ARHGAP36: variants seen among roughly 807,000 people sequenced by gnomAD.
The protein encoded by ARHGAP36 is Rho GTPase activating protein 36.
A neutral mutation model predicts 32.9 loss-of-function variants in ARHGAP36; 7 were observed. That is an observed-to-expected ratio of 0.21 (90% CI 0.12 to 0.40). The LOEUF is 0.40. ARHGAP36 is among the 10% of genes least tolerant of loss of function. ARHGAP36 has a pLI of 1.00. For missense variants in ARHGAP36, 383 were observed against 442.2 expected, an observed-to-expected ratio of 0.87 and a Z score of 1.20; for synonymous variants, 165 against 168.3, an observed-to-expected ratio of 0.98 and a Z score of 0.15.
intron 1 of ARHGAP36, among the ~76,000 whole-genome samples, chrX:131,072,388 A>G (rs1342989836): frequency 8.9e-6 from 1 of 112,266 alleles, no homozygotes; most frequent in African/African-American, 3.2e-5. Flanking sequence ...TGAGGCAAGG[A>G]GGGGAAAGGA....
In ARHGAP36 at chrX:131,083,192, T is replaced by C. The variant is rs2079814326; in HGVS notation, c.281T>C (p.Leu94Ser). 1 of 1,209,869 alleles carries C rather than the reference T, an allele frequency of 8.3e-7. No homozygotes were observed. Among genetic ancestry groups the C allele is most frequent in the Non-Finnish European group, 1.1e-6 (1 of 894,961 alleles). ...CTGCCTATTGACCGTCCGAACACCT[T>C]GGATAAGTGGTTTCTGATTTTGAGA... ...RALPIDRPNT[L>S]DKWFLILRGQ... The change falls in exon 3 of 12, where the codon TTG (leucine) becomes TCG (serine). Residue 94 changes from leucine to serine, a missense_variant. Physicochemically the swap from Leu to Ser is moderately radical, Grantham distance 145. Transcript: ENST00000276211.
At chrX:131,080,650 A>G (rs149810092) in intron 1 of ARHGAP36, among the ~76,000 whole-genome samples, 1,431 of 112,396 alleles carry the variant, frequency 0.013, 27 homozygotes, top group African/African-American at 0.044. Flanking sequence ...AATAGGTTTT[A>G]CCATTACACT....
Position 131,085,601 on chromosome X carries a change from G to A in ARHGAP36, c.969G>A (p.Gln323=), listed in dbSNP as rs2079830990. Residue 323 remains glutamine, a synonymous_variant, in exon 8 of 12, where the codon CAG becomes CAA. Coordinates refer to ENST00000276211, the MANE Select transcript of ARHGAP36 (RefSeq NM_144967.4). ...SFLLTATLKP[Q]DQLSALQLLV... ...TCCTTCTTCTAGCTTTAAAGCCCCA[G>A]GATCAGCTTTCTGCCCTGCAGTTGC... The A allele has an allele frequency of 1.7e-6, 2 of 1,210,802 alleles. No individual in the cohort carries two copies. The highest frequency in any genetic ancestry group is 5.9e-5 in the East Asian group (2 of 33,834).
At chrX:131,084,155 G>A (rs756993214) in intron 4 of ARHGAP36, 60 bp from the exon 5 acceptor site, 11 of 1,120,708 alleles carry the variant, frequency 9.8e-6, no homozygotes, top group South Asian at 2.1e-5. Flanking sequence ...ACAGTACTCA[G>A]GAAGGTCCTA....
chrX:131,083,623 T>A (rs1012977252), intron 3 of ARHGAP36, 111 bp from the exon 4 acceptor site: 1 of 748,592 alleles, frequency 1.3e-6, no homozygotes, highest in Admixed American at 2.3e-5. Context: ...TCTGGAGAGG[T>A]GGGGTTGGCT....
chrX:131,065,037 GTGTT>G (rs1243188170), intron 1 of ARHGAP36, among the ~76,000 whole-genome samples: 3 of 27,483 alleles, frequency 1.1e-4, no homozygotes, highest in Admixed American at 6.3e-4. Flanking sequence ...AAGTGTGTGT[GTGTT>G]TGTGTGTGTG....
chrX:131,088,737 GC>G lies in ARHGAP36; in HGVS notation c.1600del (p.Arg534GlyfsTer56). 8.3e-7 allele frequency: 1 copy of G among 1,210,293 alleles called. No individual in the cohort carries two copies. The highest frequency in any genetic ancestry group is 1.1e-6 in the Non-Finnish European group (1 of 895,116). On this transcript the variant is annotated frameshift_variant, in exon 12 of 12. Coordinates refer to ENST00000276211, the MANE Select transcript of ARHGAP36 (RefSeq NM_144967.4). LOFTEE classifies it high-confidence loss of function. ...AGCAAGACCGCCCATTGCTCCGTGT[GC>G]CCCGGGAGAAGGAGGCCAAAACTGG... ...PEQDRPLLRV[P>X]REKEAKTGVS...
chrX:131,063,847 T>C (rs2079683066), intron 1 of ARHGAP36, among the ~76,000 whole-genome samples: 1 of 110,326 alleles, frequency 9.1e-6, no homozygotes, highest in African/African-American at 3.3e-5. Context: ...GGGGTTCAGA[T>C]TGGGGTCTTC....
In ARHGAP36 at chrX:131,064,905, A is replaced by G. The variant is rs188006905; in HGVS notation, c.-143+6461A>G. Among the ~76,000 whole-genome samples, 317 of 112,181 alleles carry G rather than the reference A, an allele frequency of 2.8e-3. 2 individuals are homozygous for G. The highest frequency in any genetic ancestry group is 0.023 in the Middle Eastern group (5 of 218). ...AAATCTCTGTTTATATTGGACAGTAATGGGAGTTAGTAAAGCATTTTCACC... is the reference window on the plus strand; with the variant it reads ...AAATCTCTGTTTATATTGGACAGTAGTGGGAGTTAGTAAAGCATTTTCACC... On this transcript the variant is annotated intron_variant, in intron 1 of 11. Coordinates refer to ENST00000276211, the MANE Select transcript of ARHGAP36 (RefSeq NM_144967.4).
Position 131,081,805 on chromosome X carries a change from C to T in ARHGAP36, c.140C>T (p.Thr47Met), listed in dbSNP as rs1288631219. Residue 47 changes from threonine to methionine, a missense_variant, in exon 2 of 12, where the codon ACG becomes ATG. This residue lies in a region of ARHGAP36 where 156 missense variants were observed against 131.0 expected (regional missense o/e 1.19). Transcript: ENST00000276211. ...CCAGGACACAACCCCGACCGCAGGACGAAGATGGTATCGATACACAGCCTC... is the reference window on the plus strand; with the variant it reads ...CCAGGACACAACCCCGACCGCAGGATGAAGATGGTATCGATACACAGCCTC... Reference protein sequence around the residue: ...GAPGHNPDRRTKMVSIHSLSE... With the variant: ...GAPGHNPDRRMKMVSIHSLSE... 7 of 1,210,492 alleles carry T rather than the reference C, an allele frequency of 5.8e-6. No homozygotes were observed. Among genetic ancestry groups the T allele is most frequent in the Non-Finnish European group, 7.8e-6 (7 of 895,415 alleles).
chrX:131,058,678 C>G (rs974819129), intron 1 of ARHGAP36, among the ~76,000 whole-genome samples: 3 of 113,450 alleles, frequency 2.6e-5, no homozygotes, highest in Non-Finnish European at 5.6e-5. Flanking sequence ...GTACGCGGGA[C>G]GAGCGCGTGG....
At chrX:131,083,005 G>A (rs1031039275) in intron 2 of ARHGAP36, among the ~76,000 whole-genome samples, 160 bp from the exon 3 acceptor site, 3 of 113,132 alleles carry the variant, frequency 2.7e-5, no homozygotes, top group African/African-American at 3.2e-5. Flanking sequence ...GTTAGGTGGG[G>A]AAACTGAGGC....
In ARHGAP36 at chrX:131,081,563, G is replaced by T; in HGVS notation, c.-103G>T. 1.8e-6 allele frequency: 2 copies of T among 1,116,848 alleles called. No individual in the cohort carries two copies. Among genetic ancestry groups the T allele is most frequent in the South Asian group, 2.3e-5 (1 of 43,809 alleles). 92.0% of individuals were successfully genotyped at this position (1,116,848 alleles called of 1,213,427 possible). Reference sequence around the variant, plus strand: ...GGCTGCTCTGCTTGAGGGTGAAGCCGCCTCCCAGTTTTCCCTCCCCCTCTA... The same window carrying T: ...GGCTGCTCTGCTTGAGGGTGAAGCCTCCTCCCAGTTTTCCCTCCCCCTCTA... On this transcript the variant is annotated 5_prime_UTR_variant, in exon 2 of 12. Transcript: ENST00000276211.
In ARHGAP36 at chrX:131,061,526, G is replaced by T. The variant is rs142107532; in HGVS notation, c.-143+3082G>T. On this transcript the variant is annotated intron_variant, in intron 1 of 11. Transcript: ENST00000276211. Reference sequence around the variant, plus strand: ...ATTGGACTTCTGTAAAGCAGCCAAAGCTCTAAAGCTGAAGGGACCCTGGGG... The same window carrying T: ...ATTGGACTTCTGTAAAGCAGCCAAATCTCTAAAGCTGAAGGGACCCTGGGG... Among the ~76,000 whole-genome samples the T allele has an allele frequency of 6.0e-3, 666 of 111,914 alleles. 1 individual carries two copies. The highest frequency in any genetic ancestry group is 9.4e-3 in the Non-Finnish European group (499 of 53,213).
At chrX:131,074,356 T>TGAGA (rs1444742473) in intron 1 of ARHGAP36, among the ~76,000 whole-genome samples, 4 of 38,443 alleles carry the variant, frequency 1.0e-4, no homozygotes, top group African/African-American at 2.2e-4. Flanking sequence ...TGTGTGTGTG[T>TGAGA]GTGAGAGAGA....
chrX:131,069,450 G>T (rs529675368), intron 1 of ARHGAP36, among the ~76,000 whole-genome samples: 2 of 111,929 alleles, frequency 1.8e-5, no homozygotes, highest in South Asian at 7.6e-4. Flanking sequence ...TAGTTGTGAG[G>T]CTTAGAGGAA....
At position 131,058,432 on chromosome X, in the gene ARHGAP36, C is replaced by T; in HGVS notation, c.-155C>T. Reference sequence around the variant, plus strand: ...CCTTTTCGCCTCGGCCTTTGAGCCCCGCCCCCGCCGTGGTGAGTGGGGCCC... The same window carrying T: ...CCTTTTCGCCTCGGCCTTTGAGCCCTGCCCCCGCCGTGGTGAGTGGGGCCC... On this transcript the variant is annotated 5_prime_UTR_variant, in exon 1 of 12. Transcript: ENST00000276211. 2 of 1,078,697 alleles carry T rather than the reference C, an allele frequency of 1.9e-6. No homozygotes were observed. Among genetic ancestry groups the T allele is most frequent in the Non-Finnish European group, 2.4e-6 (2 of 826,432 alleles). 88.9% of individuals were successfully genotyped at this position (1,078,697 alleles called of 1,213,427 possible).
chrX:131,074,948 G>A (rs770165203), intron 1 of ARHGAP36, among the ~76,000 whole-genome samples: 24 of 112,562 alleles, frequency 2.1e-4, no homozygotes, highest in Non-Finnish European at 3.6e-4. Context: ...CTCTGATCAT[G>A]AAAGACCCAG....
At chrX:131,067,153 T>A (rs1157929141) in intron 1 of ARHGAP36, among the ~76,000 whole-genome samples, 1 of 111,833 alleles carries the variant, frequency 8.9e-6, no homozygotes, top group Non-Finnish European at 1.9e-5. Flanking sequence ...TTAAAAAAAA[T>A]AAGTAGGAGT....
Sources: allele counts gnomAD v4.1 joint callset (sites outside exome capture counted in the v4.1 genomes callset), GRCh38; gene constraint gnomAD v4.1.1; regional missense constraint gnomAD v4.1.1; transcripts MANE v1.5; gene names NCBI Gene and HGNC (gene_info 2026-07-23, HGNC 2026-07-21).